Variants in SNRPN observed in about 807,000 individuals in gnomAD.
SNRPN encodes the protein small nuclear ribonucleoprotein-associated protein N.
A neutral mutation model predicts 25.2 loss-of-function variants in SNRPN; 7 were observed. The observed-to-expected ratio is 0.28, with a 90% CI of 0.16 to 0.52. SNRPN has a LOEUF of 0.52. SNRPN is among the 20% of genes least tolerant of loss of function. The probability of loss-of-function intolerance (pLI) is 0.96; values close to 1 mark genes in which losing one functional copy is unlikely to be tolerated. For synonymous variants in SNRPN, 124 were observed against 110.6 expected, an observed-to-expected ratio of 1.12 and a Z score of -0.76; for missense variants, 196 against 322.5, an observed-to-expected ratio of 0.61 and a Z score of 3.00.
chr15:24,969,500 A>G (rs971963332), intron 3 of SNRPN, among the ~76,000 whole-genome samples: 1 of 152,162 alleles, frequency 6.6e-6, no homozygotes, highest in Non-Finnish European at 1.5e-5. Context: ...TTTATACACA[A>G]CATTTTCTAG....
intron 2 of SNRPN, among the ~76,000 whole-genome samples, chr15:24,836,062 T>A (rs576583168): frequency 6.6e-6 from 1 of 152,186 alleles, no homozygotes; most frequent in Admixed American, 6.5e-5. Context: ...GCTATAACGT[T>A]CTAGAGGCCG....
chr15:24,912,736 A>G (rs1380094894), intron 2 of SNRPN, among the ~76,000 whole-genome samples: 1 of 152,140 alleles, frequency 6.6e-6, no homozygotes, highest in Non-Finnish European at 1.5e-5. Flanking sequence ...ATTTAAAGGG[A>G]GTACTTTCTT....
At chr15:24,914,728 G>C (rs988707310) in intron 2 of SNRPN, among the ~76,000 whole-genome samples, 1 of 151,844 alleles carries the variant, frequency 6.6e-6, no homozygotes. Context: ...GAGGTCCAGG[G>C]GACCAAAAAT....
chr15:24,897,103 A>G (rs1311537160), intron 2 of SNRPN, among the ~76,000 whole-genome samples: 1 of 152,110 alleles, frequency 6.6e-6, no homozygotes, highest in Non-Finnish European at 1.5e-5. Context: ...CAGTGAGTCA[A>G]AATCACCCCT....
At chr15:24,963,922 C>T (rs2075242014) in intron 2 of SNRPN, among the ~76,000 whole-genome samples, 1 of 151,930 alleles carries the variant, frequency 6.6e-6, no homozygotes, top group South Asian at 2.1e-4. Flanking sequence ...GTCTCAGCTA[C>T]CTGGGAGGCT....
intron 3 of SNRPN, 58 bp downstream of exon 3, chr15:24,968,140 G>A (rs999775998): frequency 1.3e-4 from 135 of 1,009,828 alleles, no homozygotes; most frequent in African/African-American, 2.1e-4. Context: ...TGGGGTGTTG[G>A]GGGTTCTCTT....
intron 3 of SNRPN, among the ~76,000 whole-genome samples, chr15:24,931,444 G>A (rs1477353465): frequency 6.6e-6 from 1 of 152,170 alleles, no homozygotes. Context: ...AAGGAAGAAT[G>A]AAGCTGGGTG....
rs1387709959 is a variant in SNRPN at position 24,918,314 on chromosome 15, ATATATATATAACATAATATATATGTG to A, written c.-504-1686_-504-1661del. 2.8e-3 allele frequency among the ~76,000 whole-genome samples: 371 copies of A among 132,710 alleles called. 7 individuals carry two copies. The highest frequency in any genetic ancestry group is 7.7e-3 in the Middle Eastern group (2 of 260). The allele number at this position is 132,710 out of a possible 152,430, so 87.1% of individuals were successfully genotyped here. ...TTGCATAACATATATATGCAAACAT[ATATATATATAACATAATATATATGTG>A]TATATATATATAACATTATATATAT... On this transcript the variant is annotated intron_variant, in intron 2 of 11. Coordinates refer to the SNRPN transcript ENST00000400097.
At chr15:24,899,258 C>CG (rs2058287627) in intron 2 of SNRPN, among the ~76,000 whole-genome samples, 1 of 152,158 alleles carries the variant, frequency 6.6e-6, no homozygotes, top group Admixed American at 6.5e-5. Context: ...AATACCATCA[C>CG]TATGTTTGAA....
rs1566807551 is a variant in SNRPN at position 24,835,091 on chromosome 15, T to TAG, written c.-579+5187_-579+5188insGA. ...ATAGTATATATATCTATATATAAAA[T>TAG]ATATAGATATATATACTATATATCT... On this transcript the variant is annotated intron_variant, in intron 2 of 12. Coordinates refer to the SNRPN transcript ENST00000400100. Among the ~76,000 whole-genome samples the TAG allele has an allele frequency of 3.2e-3, 49 of 15,386 alleles. 3 individuals carry two copies. Among genetic ancestry groups the TAG allele is most frequent in the East Asian group, 0.018 (2 of 112 alleles). 10.1% of individuals were successfully genotyped at this position (15,386 alleles called of 152,430 possible).
At chr15:24,837,851 G>A (rs967918422) in intron 2 of SNRPN, among the ~76,000 whole-genome samples, 1 of 151,628 alleles carries the variant, frequency 6.6e-6, no homozygotes, top group South Asian at 2.1e-4. Flanking sequence ...AGCCTTCCAA[G>A]TAGCTGGGAT....
rs78026681 is a variant in SNRPN at position 24,974,502 on chromosome 15, C to T, written c.3+46C>T. 5,869 of 1,595,894 alleles carry T rather than the reference C, an allele frequency of 3.7e-3. 194 individuals carry two copies. In the African/African-American group the frequency reaches 0.069, roughly 19 times the overall value. On this transcript the variant is annotated intron_variant, in intron 4 of 9. Coordinates refer to ENST00000390687, the MANE Select transcript of SNRPN (RefSeq NM_003097.6). Reference sequence around the variant, plus strand: ...GAGGGTTGAAATGTGCTGTAAGGGCCGAAAGAAATAGTTTGCCAGCATGTG... The same window carrying T: ...GAGGGTTGAAATGTGCTGTAAGGGCTGAAAGAAATAGTTTGCCAGCATGTG...
At chr15:24,824,716 A>C (rs74005356) in intron 1 of SNRPN, among the ~76,000 whole-genome samples, 3,088 of 152,112 alleles carry the variant, frequency 0.02, 118 homozygotes, top group African/African-American at 0.069. Flanking sequence ...TGCTCCATTA[A>C]TGTCCATTGT....
At chr15:24,950,509 T>C (rs2062177205), upstream of SNRPN, among the ~76,000 whole-genome samples, 1 of 151,256 alleles carries the variant, frequency 6.6e-6, no homozygotes, top group Non-Finnish European at 1.5e-5. Flanking sequence ...TGAAAATGCA[T>C]ATACATGTTT....
chr15:24,943,430 G>A (rs551215392), intron 3 of SNRPN, among the ~76,000 whole-genome samples: 7 of 152,232 alleles, frequency 4.6e-5, no homozygotes, highest in Admixed American at 4.6e-4. Flanking sequence ...CATAGGTGCA[G>A]CTGGGATAGA....
At chr15:24,841,888 C>A (rs575221377) in intron 2 of SNRPN, among the ~76,000 whole-genome samples, 75 of 152,110 alleles carry the variant, frequency 4.9e-4, no homozygotes, top group Non-Finnish European at 7.5e-4. Context: ...AGCTCTTGGG[C>A]CCTGACAATA....
At chr15:24,881,599 GAGAGAGAGAGAGAGAGAGAGA>G (rs1595670022) in intron 1 of SNRPN, among the ~76,000 whole-genome samples, 8 of 62,818 alleles carry the variant, frequency 1.3e-4, no homozygotes, top group Admixed American at 1.6e-4. Context: ...GAGAGAGAGA[GAGAGAGAGAGAGAGAGAGAGA>G]AAGTCACAGT....
intron 3 of SNRPN, among the ~76,000 whole-genome samples, chr15:24,972,888 C>G (rs1036916342): frequency 6.6e-6 from 1 of 151,862 alleles, no homozygotes; most frequent in African/African-American, 2.4e-5. Context: ...CTCTCTCTTC[C>G]CCACCACCCC....
rs146459888 is a variant in SNRPN at position 24,932,381 on chromosome 15, C to G, written c.-391+12257C>G. Reference sequence around the variant, plus strand: ...TCCCGAGGAGCTGGCATTACAGGTGCTCGCCACCACGACTGGCCAATTTTT... The same window carrying G: ...TCCCGAGGAGCTGGCATTACAGGTGGTCGCCACCACGACTGGCCAATTTTT... On this transcript the variant is annotated intron_variant, in intron 3 of 11. Transcript: ENST00000400097. Among the ~76,000 whole-genome samples, 542 of 151,918 alleles carry G rather than the reference C, an allele frequency of 3.6e-3. 7 individuals carry two copies. The highest frequency in any genetic ancestry group is 0.012 in the African/African-American group (513 of 41,462).
Sources: allele counts gnomAD v4.1 joint callset (sites outside exome capture counted in the v4.1 genomes callset), GRCh38; gene constraint gnomAD v4.1.1; transcripts MANE v1.5; gene names NCBI Gene and HGNC (gene_info 2026-07-23, HGNC 2026-07-21).